SUCLG2: variants seen among roughly 807,000 people sequenced by gnomAD.
The protein encoded by SUCLG2 is succinate--CoA ligase [GDP-forming] subunit beta, mitochondrial.
In SUCLG2, 42 loss-of-function variants were observed where a neutral mutation model predicts 47.9. The observed-to-expected ratio is 0.88, with a 90% CI of 0.69 to 1.14. The LOEUF is 1.14. SUCLG2 is among the 50% of genes most tolerant of loss of function. SUCLG2 has a pLI of 0.00. For missense variants in SUCLG2, 571 were observed against 525.9 expected (o/e 1.09, Z -0.84); for synonymous variants, 195 against 197.3 (o/e 0.99, Z 0.10).
intron 2 of SUCLG2, among the ~76,000 whole-genome samples, chr3:67,536,355 G>A (rs1368219824): frequency 3.9e-5 from 6 of 152,202 alleles, no homozygotes; most frequent in Admixed American, 6.5e-5. Context: ...TAGAAATCTT[G>A]TATTTTCCTT....
At chr3:67,440,684 T>C (rs1442599209) in intron 9 of SUCLG2, among the ~76,000 whole-genome samples, 1 of 152,110 alleles carries the variant, frequency 6.6e-6, no homozygotes, top group Non-Finnish European at 1.5e-5. Flanking sequence ...TGAAATACCA[T>C]CTAATGCCAT....
At chr3:67,362,908 T>C (rs1449673604) in intron 10 of SUCLG2, among the ~76,000 whole-genome samples, 1 of 152,092 alleles carries the variant, frequency 6.6e-6, no homozygotes, top group Admixed American at 6.5e-5. Flanking sequence ...TGAGATAACC[T>C]CCGTGGTGTA....
intron 10 of SUCLG2, among the ~76,000 whole-genome samples, chr3:67,391,478 T>C (rs1041344068): frequency 4.6e-5 from 7 of 152,244 alleles, no homozygotes; most frequent in South Asian, 2.1e-4. Flanking sequence ...GAGGCAGCCA[T>C]AGAGTTTTCA....
intron 2 of SUCLG2, among the ~76,000 whole-genome samples, chr3:67,590,071 A>G (rs1708119414): frequency 6.6e-6 from 1 of 152,098 alleles, no homozygotes; most frequent in Non-Finnish European, 1.5e-5. Flanking sequence ...TGGTCCTATA[A>G]ATGTTAGGGA....
chr3:67,544,147 G>C lies in SUCLG2; in HGVS notation c.227-14961C>G, dbSNP rs550030601. Among the ~76,000 whole-genome samples the C allele has an allele frequency of 3.9e-5, 6 of 152,256 alleles. No homozygotes were observed. In the East Asian group the frequency reaches 1.2e-3, roughly 29 times the overall value. On this transcript the variant is annotated intron_variant, in intron 2 of 10. Coordinates refer to ENST00000307227, the MANE Select transcript of SUCLG2 (RefSeq NM_003848.4). ...AACTTAAAATTGACTGGAAGAAATA[G>C]ACACAAACAAATTACTGAAAATTTT...
intron 1 of SUCLG2, among the ~76,000 whole-genome samples, chr3:67,636,697 C>G (rs765145940): frequency 1.3e-5 from 2 of 152,004 alleles, no homozygotes; most frequent in African/African-American, 4.8e-5. Context: ...GGGGTTTCAC[C>G]GTGTTAGCCA....
intron 9 of SUCLG2, among the ~76,000 whole-genome samples, chr3:67,421,928 A>AT (rs2106860838): frequency 6.6e-6 from 1 of 152,318 alleles, no homozygotes; most frequent in East Asian, 1.9e-4. Context: ...GGAGCAGGAT[A>AT]TTTTGATGAG....
At chr3:67,539,294 T>G (rs918617856) in intron 2 of SUCLG2, among the ~76,000 whole-genome samples, 3 of 152,242 alleles carry the variant, frequency 2.0e-5, no homozygotes, top group Non-Finnish European at 2.9e-5. Context: ...ATCAAAGGCC[T>G]TTTCTGCATC....
chr3:67,518,207 G>C, intron 6 of SUCLG2, 40 bp downstream of exon 6: 1 of 1,523,410 alleles, frequency 6.6e-7, no homozygotes, highest in Non-Finnish European at 9.0e-7. Context: ...AATGTTTTCT[G>C]AAACAAGTCA....
At chr3:67,418,089 C>A (rs1462477251) in intron 9 of SUCLG2, among the ~76,000 whole-genome samples, 1 of 152,170 alleles carries the variant, frequency 6.6e-6, no homozygotes, top group Non-Finnish European at 1.5e-5. Context: ...GCAACAAAAG[C>A]ACTGGCTCTA....
intron 2 of SUCLG2, among the ~76,000 whole-genome samples, chr3:67,547,296 A>G (rs980378618): frequency 6.6e-6 from 1 of 152,202 alleles, no homozygotes; most frequent in Non-Finnish European, 1.5e-5. Flanking sequence ...AAGCTATGAG[A>G]AACAAATTTC....
chr3:67,639,109 C>A (rs1701055380), intron 1 of SUCLG2, among the ~76,000 whole-genome samples: 1 of 152,122 alleles, frequency 6.6e-6, no homozygotes, highest in South Asian at 2.1e-4. Flanking sequence ...GATAATAGTT[C>A]CTGGCATGTT....
intron 9 of SUCLG2, among the ~76,000 whole-genome samples, chr3:67,403,768 G>A (rs894987987): frequency 6.6e-6 from 1 of 152,164 alleles, no homozygotes; most frequent in African/African-American, 2.4e-5. Flanking sequence ...AACTTAGTTC[G>A]CTGAGGAACT....
intron 10 of SUCLG2, among the ~76,000 whole-genome samples, chr3:67,364,367 C>T (rs1701848294): frequency 6.6e-6 from 1 of 151,876 alleles, no homozygotes; most frequent in South Asian, 2.1e-4. Context: ...AAAGAGGCAT[C>T]CCCCCCAACT....
chr3:67,473,732 A>G (rs1346495185), intron 9 of SUCLG2, among the ~76,000 whole-genome samples: 1 of 152,234 alleles, frequency 6.6e-6, no homozygotes, highest in East Asian at 1.9e-4. Flanking sequence ...CAGTACCACC[A>G]GTCTTTAACT....
chr3:67,515,612 A>C (rs977756865), intron 6 of SUCLG2, among the ~76,000 whole-genome samples: 1 of 152,202 alleles, frequency 6.6e-6, no homozygotes, highest in African/African-American at 2.4e-5. Flanking sequence ...CACATCCTAG[A>C]TGAAAATTAA....
intron 1 of SUCLG2, among the ~76,000 whole-genome samples, chr3:67,632,256 CA>C (rs1270121342): frequency 6.6e-6 from 1 of 152,162 alleles, no homozygotes; most frequent in Non-Finnish European, 1.5e-5. Flanking sequence ...GATCTCTGCT[CA>C]CTGTAGCCTC....
chr3:67,649,496 T>C lies in SUCLG2; in HGVS notation c.84+5007A>G, dbSNP rs555291317. On this transcript the variant is annotated intron_variant, in intron 1 of 10. Coordinates refer to ENST00000307227, the MANE Select transcript of SUCLG2 (RefSeq NM_003848.4). Reference sequence around the variant, plus strand: ...GAATTCTGGGCTTTCTGAAGCCCCATTTAGACTTCTTTGTATACCCAAAAG... The same window carrying C: ...GAATTCTGGGCTTTCTGAAGCCCCACTTAGACTTCTTTGTATACCCAAAAG... Among the ~76,000 whole-genome samples, 14 of 152,300 alleles carry C rather than the reference T, an allele frequency of 9.2e-5. No individual in the cohort carries two copies. The South Asian group carries it at 2.5e-3, about 27-fold the overall frequency.
intron 2 of SUCLG2, among the ~76,000 whole-genome samples, chr3:67,608,902 C>A (rs1373505368): frequency 6.6e-6 from 1 of 152,050 alleles, no homozygotes; most frequent in East Asian, 1.9e-4. Context: ...GTCTCAAACT[C>A]CTGGACTCAA....
Sources: allele counts gnomAD v4.1 joint callset (sites outside exome capture counted in the v4.1 genomes callset), GRCh38; gene constraint gnomAD v4.1.1; transcripts MANE v1.5; gene names NCBI Gene and HGNC (gene_info 2026-07-23, HGNC 2026-07-21).